REPS1: variants seen among roughly 807,000 people sequenced by gnomAD.
REPS1 encodes the protein ralBP1-associated Eps domain-containing protein 1.
Under a neutral mutation model 100.9 loss-of-function variants are expected in REPS1, and 39 were observed. That is an observed-to-expected ratio of 0.39 (90% CI 0.30 to 0.50). The LOEUF is 0.50. REPS1 is among the 20% of genes least tolerant of loss of function. The pLI, the probability that REPS1 is intolerant of heterozygous loss-of-function variation, is 0.86. For missense variants in REPS1, 821 were observed against 968.5 expected (o/e 0.85, Z 2.02); for synonymous variants, 324 against 340.3 (o/e 0.95, Z 0.53).
chr6:138,970,236 C>A (rs1784263274), intron 1 of REPS1, among the ~76,000 whole-genome samples: 1 of 151,800 alleles, frequency 6.6e-6, no homozygotes, highest in African/African-American at 2.4e-5. Context: ...CAAAGAGAAT[C>A]TGAAGGACTT....
At chr6:138,924,692 G>C (rs1325748378) in intron 10 of REPS1, among the ~76,000 whole-genome samples, 1 of 152,112 alleles carries the variant, frequency 6.6e-6, no homozygotes, top group East Asian at 1.9e-4. Flanking sequence ...GAATAATATA[G>C]AGAATCAAAA....
intron 8 of REPS1, among the ~76,000 whole-genome samples, chr6:138,932,336 G>C (rs1040976014): frequency 2.0e-5 from 3 of 152,092 alleles, no homozygotes; most frequent in African/African-American, 4.8e-5. Context: ...TTTTAAAAGA[G>C]ACCTGAAAGG....
intron 12 of REPS1, among the ~76,000 whole-genome samples, chr6:138,918,760 C>A (rs186727899): frequency 6.3e-4 from 96 of 152,264 alleles, no homozygotes; most frequent in African/African-American, 2.2e-3. Flanking sequence ...AGGATCCCAG[C>A]TTTTTCTGCA....
rs538823952 is a variant in REPS1 at position 138,945,282 on chromosome 6, T to C, written c.565A>G (p.Asn189Asp). ...GGTCCCGCGAGAGGCCTCTCACTAT[T>C]CCCACCGCTGGGATGACGGCTGTGC... Reference protein sequence around the residue: ...RKHSRHPSGGNSERPLAGPGP... With the variant: ...RKHSRHPSGGDSERPLAGPGP... Residue 189 changes from asparagine (N) to aspartate (D), a missense_variant, in exon 4 of 20, where the codon AAT becomes GAT. Asn to Asp is a conservative substitution (Grantham distance 23). Around this residue, in one of 3 missense-constraint regions of REPS1, gnomAD observed 757 missense variants for 866.4 expected, o/e 0.87. Transcript: ENST00000450536. The C allele has an allele frequency of 3.2e-5, 51 of 1,611,750 alleles. 1 individual carries two copies. The South Asian group carries it at 5.3e-4, about 17-fold the overall frequency.
At chr6:138,958,973 C>CA (rs1278936228) in intron 1 of REPS1, among the ~76,000 whole-genome samples, 4 of 152,188 alleles carry the variant, frequency 2.6e-5, no homozygotes, top group Admixed American at 2.6e-4. Flanking sequence ...CTGGTACTAT[C>CA]ATTTTACAGA....
At chr6:138,911,473 C>A (rs1296024797) in intron 16 of REPS1, 102 bp from the exon 17 acceptor site, 1 of 806,762 alleles carries the variant, frequency 1.2e-6, no homozygotes, top group Non-Finnish European at 2.0e-6. Context: ...AATATTCTGA[C>A]AAGAAAACTG....
chr6:138,961,427 C>T (rs541175617), intron 1 of REPS1, among the ~76,000 whole-genome samples: 3 of 151,930 alleles, frequency 2.0e-5, no homozygotes, highest in African/African-American at 7.3e-5. Flanking sequence ...TTAGTAGAGA[C>T]GGGGATCCAG....
chr6:138,917,659 A>C (rs1483238973), intron 12 of REPS1, 32 bp from the exon 13 acceptor site: 2 of 1,559,358 alleles, frequency 1.3e-6, no homozygotes, highest in South Asian at 2.2e-5. Context: ...ATTTAATAAT[A>C]ATCATTTCTT....
At chr6:138,907,061 T>C (rs985614035) in intron 19 of REPS1, among the ~76,000 whole-genome samples, 9 of 152,198 alleles carry the variant, frequency 5.9e-5, no homozygotes, top group African/African-American at 1.9e-4. Context: ...AGCATTTCTA[T>C]TTAAGGCTTG....
intron 8 of REPS1, among the ~76,000 whole-genome samples, chr6:138,930,700 C>T (rs768216130): frequency 1.3e-5 from 2 of 151,966 alleles, no homozygotes; most frequent in African/African-American, 2.4e-5. Flanking sequence ...CTCATATATC[C>T]TCTACAAATC....
chr6:138,915,347 G>A (rs1780293842), intron 14 of REPS1, among the ~76,000 whole-genome samples: 1 of 124,866 alleles, frequency 8.0e-6, no homozygotes, highest in African/African-American at 3.1e-5. Flanking sequence ...ACATCTCTCA[G>A]GTTCCCATCT....
intron 1 of REPS1, among the ~76,000 whole-genome samples, chr6:138,971,530 C>A (rs903430488): frequency 6.6e-5 from 10 of 151,942 alleles, no homozygotes; most frequent in African/African-American, 2.4e-4. Context: ...TAATTTATTT[C>A]TTTAGTTGCC....
chr6:138,953,571 T>C (rs559476034), intron 1 of REPS1, among the ~76,000 whole-genome samples: 1 of 152,096 alleles, frequency 6.6e-6, no homozygotes. Context: ...GGAAGTCATA[T>C]GCATGGTCAA....
In REPS1 at chr6:138,987,566, G is replaced by A. The variant is rs1007084668; in HGVS notation, c.117C>T (p.Phe39=). 9.0e-6 allele frequency: 14 copies of A among 1,550,474 alleles called. No individual in the cohort carries two copies. The highest frequency in any genetic ancestry group is 1.2e-5 in the Non-Finnish European group (14 of 1,146,558). The change falls in exon 1 of 20, where the codon TTC becomes TTT. Residue 39 remains phenylalanine (F), a synonymous_variant. Coordinates refer to ENST00000450536, the MANE Select transcript of REPS1 (RefSeq NM_001286611.2). ...VVVNGRVLEL[F]RAAQLPNDVV... ...CGTCGTTCGGCAGCTGCGCGGCCCG[G>A]AACAGCTCCAGCACCCGCCCGTTGA...
intron 10 of REPS1, among the ~76,000 whole-genome samples, chr6:138,924,034 T>C (rs111422282): frequency 0.024 from 3,682 of 152,122 alleles, 162 homozygotes; most frequent in African/African-American, 0.084. Context: ...CAGGCTGTAG[T>C]GGGTCTGTAG....
At chr6:138,955,749 A>G (rs934387687) in intron 1 of REPS1, among the ~76,000 whole-genome samples, 1 of 152,128 alleles carries the variant, frequency 6.6e-6, no homozygotes. Flanking sequence ...ACCTGTACAG[A>G]TCAACATGGC....
chr6:138,962,911 T>C lies in REPS1; in HGVS notation c.154-14998A>G, dbSNP rs568528037. Among the ~76,000 whole-genome samples, 12 of 152,250 alleles carry C rather than the reference T, an allele frequency of 7.9e-5. No homozygotes were observed. The East Asian group carries it at 2.3e-3, about 29-fold the overall frequency. ...TAATTTTTCTGCGGTCCCTCTCCAC[T>C]CCTACACACAGGCTACAAGATTAAC... On this transcript the variant is annotated intron_variant, in intron 1 of 19. Coordinates refer to ENST00000450536, the MANE Select transcript of REPS1 (RefSeq NM_001286611.2).
At chr6:138,921,275 C>A in intron 10 of REPS1, 151 bp from the exon 11 acceptor site, 1 of 565,044 alleles carries the variant, frequency 1.8e-6, no homozygotes. Context: ...AAGTTAAAAG[C>A]TCTAGAATTC....
intron 8 of REPS1, among the ~76,000 whole-genome samples, chr6:138,935,018 C>G (rs1328285556): frequency 1.3e-5 from 2 of 152,136 alleles, no homozygotes; most frequent in African/African-American, 2.4e-5. Flanking sequence ...TTAAGATGTG[C>G]TTTGTTTTTT....
Sources: allele counts gnomAD v4.1 joint callset (sites outside exome capture counted in the v4.1 genomes callset), GRCh38; gene constraint gnomAD v4.1.1; regional missense constraint gnomAD v4.1.1; transcripts MANE v1.5; gene names NCBI Gene and HGNC (gene_info 2026-07-23, HGNC 2026-07-21).